SLIT3: variants seen among roughly 807,000 people sequenced by gnomAD.
SLIT3 encodes slit guidance ligand 3.
Under a neutral mutation model 184.0 loss-of-function variants are expected in SLIT3, and 68 were observed. The observed-to-expected ratio is 0.37, with a 90% confidence interval of 0.30 to 0.45. The LOEUF (loss-of-function observed/expected upper bound fraction) is 0.45, where lower values mean the gene tolerates loss of function less well. Ranked by LOEUF, SLIT3 falls within the 20% of genes least tolerant of loss-of-function variation. The pLI is 1.00. For missense variants in SLIT3, 1,707 were observed against 2,026.0 expected (o/e 0.84, Z 3.02); for synonymous variants, 831 against 828.6 (o/e 1.00, Z -0.05).
At chr5:169,098,432 G>A (rs1274512596) in intron 4 of SLIT3, among the ~76,000 whole-genome samples, 1 of 152,174 alleles carries the variant, frequency 6.6e-6, no homozygotes, top group Non-Finnish European at 1.5e-5. Context: ...ACAGCCTAAG[G>A]AGAGATGATT....
Position 168,828,320 on chromosome 5 carries a change from G to T in SLIT3, c.558-4989C>A, listed in dbSNP as rs146518169. 4.2e-3 allele frequency among the ~76,000 whole-genome samples: 646 copies of T among 152,130 alleles called. 5 individuals carry two copies. The highest frequency in any genetic ancestry group is 0.015 in the African/African-American group (625 of 41,522). On this transcript the variant is annotated intron_variant, in intron 6 of 35. Coordinates refer to ENST00000519560, the MANE Select transcript of SLIT3 (RefSeq NM_003062.4). ...CTTGGGTTGTGCATGGAAGGAACTT[G>T]GGCAGTGGTTCTCAAAATGTGGTCC...
chr5:168,890,715 A>G (rs1450101344), intron 4 of SLIT3, among the ~76,000 whole-genome samples: 1 of 152,204 alleles, frequency 6.6e-6, no homozygotes, highest in Non-Finnish European at 1.5e-5. Flanking sequence ...AAGGTTGGCC[A>G]TGGGTTGATA....
chr5:168,781,490 A>G (rs1385731703), intron 12 of SLIT3, among the ~76,000 whole-genome samples: 1 of 152,206 alleles, frequency 6.6e-6, no homozygotes, highest in African/African-American at 2.4e-5. Flanking sequence ...CCTTCCCTCA[A>G]GAACGCATCG....
chr5:169,240,140 C>A (rs1163519523), intron 3 of SLIT3, among the ~76,000 whole-genome samples: 1 of 151,872 alleles, frequency 6.6e-6, no homozygotes, highest in Admixed American at 6.6e-5. Flanking sequence ...CATATGATAT[C>A]CTTTGGTATT....
At chr5:169,167,656 A>G (rs1329211232) in intron 4 of SLIT3, among the ~76,000 whole-genome samples, 10 of 152,124 alleles carry the variant, frequency 6.6e-5, no homozygotes, top group Non-Finnish European at 1.5e-5. Context: ...CCCATTTCAC[A>G]GATGACAAAA....
At chr5:168,947,424 C>A (rs1359633030) in intron 4 of SLIT3, among the ~76,000 whole-genome samples, 3 of 152,140 alleles carry the variant, frequency 2.0e-5, no homozygotes, top group African/African-American at 7.2e-5. Context: ...TCCCCCAGGC[C>A]CCTGCTCACT....
chr5:169,162,004 T>C (rs773906947), intron 4 of SLIT3, among the ~76,000 whole-genome samples: 1 of 152,256 alleles, frequency 6.6e-6, no homozygotes, highest in Non-Finnish European at 1.5e-5. Context: ...TATAAAGTGC[T>C]GTATCTGTAT....
intron 1 of SLIT3, among the ~76,000 whole-genome samples, chr5:169,292,078 C>G (rs901103508): frequency 3.9e-5 from 6 of 152,158 alleles, no homozygotes; most frequent in Non-Finnish European, 8.8e-5. Flanking sequence ...CCCTGGTCCC[C>G]TATGCTTCAT....
intron 4 of SLIT3, among the ~76,000 whole-genome samples, chr5:169,072,319 T>A (rs75140822): frequency 0.028 from 4,248 of 152,284 alleles, 81 homozygotes; most frequent in Non-Finnish European, 0.042. Flanking sequence ...TTTGTGACCT[T>A]AGAGAAGTCA....
intron 3 of SLIT3, among the ~76,000 whole-genome samples, chr5:169,231,098 T>A (rs936103326): frequency 1.3e-5 from 2 of 152,228 alleles, no homozygotes; most frequent in Non-Finnish European, 2.9e-5. Context: ...GAGACCACTG[T>A]CTCTGTGGAG....
chr5:169,006,713 A>T (rs1433797291), intron 4 of SLIT3, among the ~76,000 whole-genome samples: 1 of 152,006 alleles, frequency 6.6e-6, no homozygotes, highest in Non-Finnish European at 1.5e-5. Flanking sequence ...AAGAAAAGTT[A>T]ATTCTTCACC....
intron 4 of SLIT3, among the ~76,000 whole-genome samples, chr5:169,056,779 G>T (rs1433081215): frequency 3.9e-5 from 6 of 152,168 alleles, no homozygotes; most frequent in Admixed American, 3.3e-4. Context: ...GTGCCCTGTG[G>T]CTGACTTCAC....
chr5:169,296,971 T>A (rs1191772226), intron 1 of SLIT3, among the ~76,000 whole-genome samples: 1 of 152,066 alleles, frequency 6.6e-6, no homozygotes, highest in African/African-American at 2.4e-5. Flanking sequence ...CGTGTGAGAG[T>A]TCATTTTCAT....
rs569409728 is a variant in SLIT3 at position 169,274,703 on chromosome 5, G to A, written c.198-23244C>T. On this transcript the variant is annotated intron_variant, in intron 1 of 35. Coordinates refer to ENST00000519560, the MANE Select transcript of SLIT3 (RefSeq NM_003062.4). ...AAGGGCTTCCAAGACTGAGTGGTGA[G>A]AAAACATCTCCAATCTTGACACTGG... is the stretch of plus-strand genomic sequence containing the variant. Among the ~76,000 whole-genome samples the A allele has an allele frequency of 2.6e-5, 4 of 152,326 alleles. No homozygotes were observed. The South Asian group carries it at 8.3e-4, about 32-fold the overall frequency.
intron 4 of SLIT3, among the ~76,000 whole-genome samples, chr5:169,177,653 T>C (rs913494748): frequency 1.3e-5 from 2 of 152,192 alleles, no homozygotes; most frequent in South Asian, 4.1e-4. Flanking sequence ...AAAGGCTCCT[T>C]ATAAAGGAGA....
chr5:169,266,385 A>T (rs1321330891), intron 1 of SLIT3, among the ~76,000 whole-genome samples: 2 of 152,234 alleles, frequency 1.3e-5, no homozygotes. Context: ...TTTGAATCTA[A>T]GTGGGACCAT....
intron 4 of SLIT3, among the ~76,000 whole-genome samples, chr5:169,120,727 C>T (rs920764316): frequency 2.0e-5 from 3 of 152,188 alleles, no homozygotes; most frequent in Non-Finnish European, 4.4e-5. Flanking sequence ...TCTGTGCCCA[C>T]CTTGAGAGCT....
intron 4 of SLIT3, among the ~76,000 whole-genome samples, chr5:168,956,420 T>C (rs1306473018): frequency 6.6e-6 from 1 of 152,136 alleles, no homozygotes; most frequent in East Asian, 1.9e-4. Flanking sequence ...AAAGTATATA[T>C]GATGAAATAT....
intron 4 of SLIT3, among the ~76,000 whole-genome samples, chr5:169,104,810 G>A (rs779595490): frequency 2.6e-5 from 4 of 152,162 alleles, no homozygotes; most frequent in African/African-American, 9.7e-5. Context: ...AAAACTCTCA[G>A]GGGGAGAAAA....
Sources: allele counts gnomAD v4.1 joint callset (sites outside exome capture counted in the v4.1 genomes callset), GRCh38; gene constraint gnomAD v4.1.1; transcripts MANE v1.5; gene names NCBI Gene and HGNC (gene_info 2026-07-23, HGNC 2026-07-21).